The following FAT3 variants were observed in gnomAD, a reference collection of about 807,000 sequenced individuals.
FAT3 encodes the protein FAT atypical cadherin 3.
In FAT3, 95 loss-of-function variants were observed where a neutral mutation model predicts 310.2. The ratio of observed to expected loss-of-function variants is 0.31; its 90% confidence interval spans 0.26 to 0.36. The LOEUF (loss-of-function observed/expected upper bound fraction) is 0.36, where lower values mean the gene tolerates loss of function less well. Ranked by LOEUF, FAT3 falls within the 10% of genes least tolerant of loss-of-function variation. FAT3 has a pLI of 1.00. For missense variants in FAT3, 5,408 were observed against 5,715.6 expected (o/e 0.95, Z 1.74); for synonymous variants, 2,314 against 2,192.9 (o/e 1.06, Z -1.54).
At chr11:92,644,109 CG>C (rs909960044) in intron 3 of FAT3, among the ~76,000 whole-genome samples, 2 of 152,188 alleles carry the variant, frequency 1.3e-5, no homozygotes, top group African/African-American at 4.8e-5. Context: ...TCTCCAGGGC[CG>C]GGGGCCAAGG....
rs541102236 is a variant in FAT3, at chr11:92,699,089, A to G, written c.3669+1644A>G. Among the ~76,000 whole-genome samples the G allele has an allele frequency of 9.2e-5, 14 of 152,338 alleles. No homozygotes were observed. In the South Asian group the frequency reaches 1.9e-3, roughly 20 times the overall value. On this transcript the variant is annotated intron_variant, in intron 4 of 27. Coordinates refer to ENST00000525166, the MANE Select transcript of FAT3 (RefSeq NM_001367949.2). ...AACCCTGAATGGATTCACATCCTCTACAGACTTACATAAATACTGAGTAAT... is the reference window on the plus strand; with the variant it reads ...AACCCTGAATGGATTCACATCCTCTGCAGACTTACATAAATACTGAGTAAT...
intron 2 of FAT3, among the ~76,000 whole-genome samples, chr11:92,477,081 G>A (rs1952069664): frequency 6.6e-6 from 1 of 152,232 alleles, no homozygotes; most frequent in Non-Finnish European, 1.5e-5. Context: ...CTGATGGTAA[G>A]TTCGTTAATG....
At chr11:92,358,145 C>G (rs1245922318) in intron 2 of FAT3, among the ~76,000 whole-genome samples, 1 of 151,970 alleles carries the variant, frequency 6.6e-6, no homozygotes, top group African/African-American at 2.4e-5. Flanking sequence ...CCACTGCACT[C>G]TAGCCTGGGT....
At chr11:92,616,915 TC>T (rs1328450051) in intron 3 of FAT3, among the ~76,000 whole-genome samples, 2 of 152,228 alleles carry the variant, frequency 1.3e-5, no homozygotes, top group East Asian at 3.9e-4. Flanking sequence ...TAACATTTTT[TC>T]CTTCATTTCA....
chr11:92,408,089 A>C (rs1950171909), intron 2 of FAT3: 2 of 152,196 alleles, frequency 1.3e-5, no homozygotes, highest in African/African-American at 4.8e-5. Context: ...GTTCAAGATA[A>C]AGATTCCAGC....
At chr11:92,243,612 C>A (rs775905535) in intron 1 of FAT3, among the ~76,000 whole-genome samples, 13 of 152,038 alleles carry the variant, frequency 8.6e-5, no homozygotes, top group Non-Finnish European at 1.6e-4. Flanking sequence ...TGTTACAAAG[C>A]ATACTGGTTA....
intron 1 of FAT3, among the ~76,000 whole-genome samples, chr11:92,313,280 C>T (rs1350970015): frequency 6.6e-6 from 1 of 152,168 alleles, no homozygotes; most frequent in Non-Finnish European, 1.5e-5. Context: ...CCCACCCATC[C>T]ACATCTGGGA....
At chr11:92,418,887 C>G (rs1950477410) in intron 2 of FAT3, among the ~76,000 whole-genome samples, 1 of 152,038 alleles carries the variant, frequency 6.6e-6, no homozygotes, top group Admixed American at 6.6e-5. Flanking sequence ...GCAGTCTTTC[C>G]AAAACAAAAT....
At chr11:92,336,899 C>T (rs983829902) in intron 1 of FAT3, among the ~76,000 whole-genome samples, 4 of 152,096 alleles carry the variant, frequency 2.6e-5, no homozygotes, top group African/African-American at 9.7e-5. Context: ...CCATTAAAAC[C>T]CTTTTAAAAT....
intron 2 of FAT3, among the ~76,000 whole-genome samples, chr11:92,513,612 T>G (rs1419458077): frequency 6.6e-6 from 1 of 152,208 alleles, no homozygotes; most frequent in Non-Finnish European, 1.5e-5. Context: ...TGCACCTTCC[T>G]ATGAATTTAT....
intron 7 of FAT3, among the ~76,000 whole-genome samples, chr11:92,786,010 GA>G (rs1357444947): frequency 6.6e-6 from 1 of 152,110 alleles, no homozygotes; most frequent in Non-Finnish European, 1.5e-5. Flanking sequence ...AGAAAATCCA[GA>G]AATATGCTAA....
At chr11:92,528,525 T>C (rs1953955850) in intron 3 of FAT3, among the ~76,000 whole-genome samples, 1 of 152,310 alleles carries the variant, frequency 6.6e-6, no homozygotes, top group Middle Eastern at 3.4e-3. Context: ...TAGCTGGGAC[T>C]ACAGGCGCCT....
intron 3 of FAT3, among the ~76,000 whole-genome samples, chr11:92,623,791 A>C (rs1941200870): frequency 6.6e-6 from 1 of 152,084 alleles, no homozygotes; most frequent in Non-Finnish European, 1.5e-5. Flanking sequence ...AAAATACAAA[A>C]AATTAGCTGG....
intron 1 of FAT3, among the ~76,000 whole-genome samples, chr11:92,312,456 TGAAAGTAGATG>T (rs1350121496): frequency 6.6e-6 from 1 of 152,166 alleles, no homozygotes; most frequent in Non-Finnish European, 1.5e-5. Flanking sequence ...TCCAAGCCTC[TGAAAGTAGATG>T]AATCACCCTT....
chr11:92,792,172 C>A (rs1021646269), intron 8 of FAT3, among the ~76,000 whole-genome samples: 10 of 152,122 alleles, frequency 6.6e-5, no homozygotes, highest in African/African-American at 2.4e-4. Flanking sequence ...ATCTTTAGTG[C>A]ATCCCGTGAG....
intron 2 of FAT3, among the ~76,000 whole-genome samples, chr11:92,397,937 A>G (rs1949914429): frequency 6.6e-6 from 1 of 151,932 alleles, no homozygotes; most frequent in East Asian, 1.9e-4. Context: ...ATACATACAT[A>G]CTCATGTACA....
intron 1 of FAT3, among the ~76,000 whole-genome samples, chr11:92,299,194 G>A (rs891979770): frequency 1.3e-5 from 2 of 152,060 alleles, no homozygotes; most frequent in African/African-American, 4.8e-5. Flanking sequence ...TGGGGTACAA[G>A]ATGGATTAAT....
At chr11:92,522,109 A>G (rs1349965471) in intron 2 of FAT3, among the ~76,000 whole-genome samples, 3 of 152,124 alleles carry the variant, frequency 2.0e-5, no homozygotes, top group African/African-American at 7.2e-5. Flanking sequence ...CCTTGCAGAG[A>G]CTGCAGAACA....
rs370292358 is a variant in FAT3 at position 92,800,537 on chromosome 11, C to T, written c.7524C>T (p.Asn2508=). The change falls in exon 10 of 28, where the codon AAC becomes AAT. Residue 2508 remains asparagine (N), a synonymous_variant. Coordinates refer to ENST00000525166, the MANE Select transcript of FAT3 (RefSeq NM_001367949.2). ...QSTYVAEVRE[N]VAAGTKVIHV... ...CATACGTAGCTGAGGTGAGAGAGAACGTGGCTGCAGGAACAAAGGTAATTC... is the reference window on the plus strand; with the variant it reads ...CATACGTAGCTGAGGTGAGAGAGAATGTGGCTGCAGGAACAAAGGTAATTC... 3.6e-5 allele frequency: 58 copies of T among 1,613,722 alleles called. No homozygotes were observed. The highest frequency in any genetic ancestry group is 5.5e-5 in the South Asian group (5 of 91,056).
Sources: allele counts gnomAD v4.1 joint callset (sites outside exome capture counted in the v4.1 genomes callset), GRCh38; gene constraint gnomAD v4.1.1; transcripts MANE v1.5; gene names NCBI Gene and HGNC (gene_info 2026-07-23, HGNC 2026-07-21).